Variants in CCDC171 observed in about 807,000 individuals in gnomAD.
CCDC171 encodes the protein coiled-coil domain containing 171.
A neutral mutation model predicts 168.2 loss-of-function variants in CCDC171; 177 were observed. The ratio of observed to expected loss-of-function variants is 1.05; its 90% CI spans 0.93 to 1.19. The LOEUF is 1.19. CCDC171 is among the 50% of genes most tolerant of loss of function. The pLI is 0.00. For synonymous variants in CCDC171, 687 were observed against 540.8 expected (o/e 1.27, Z -3.75); for missense variants, 1,991 against 1,539.0 (o/e 1.29, Z -4.91).
intron 1 of CCDC171, among the ~76,000 whole-genome samples, chr9:15,555,927 T>C (rs991525708): frequency 6.6e-6 from 1 of 152,082 alleles, no homozygotes; most frequent in Non-Finnish European, 1.5e-5. Flanking sequence ...AGTGAGAACA[T>C]GCGGTGTTTG....
At chr9:15,612,061 T>C (rs1235599288) in intron 6 of CCDC171, among the ~76,000 whole-genome samples, 1 of 152,226 alleles carries the variant, frequency 6.6e-6, no homozygotes, top group East Asian at 1.9e-4. Flanking sequence ...AACTAGAAAG[T>C]AGGCTCTTGC....
At chr9:15,687,433 A>T (rs979906331) in intron 10 of CCDC171, among the ~76,000 whole-genome samples, 3 of 152,152 alleles carry the variant, frequency 2.0e-5, no homozygotes, top group Non-Finnish European at 4.4e-5. Flanking sequence ...CTCTTAAAAA[A>T]AAAAAATCCT....
At chr9:15,677,555 A>G (rs1439430068) in intron 9 of CCDC171, among the ~76,000 whole-genome samples, 1 of 151,980 alleles carries the variant, frequency 6.6e-6, no homozygotes, top group African/African-American at 2.4e-5. Flanking sequence ...TTTTAGGAAG[A>G]TCTCAGATTT....
At chr9:15,929,552 C>A (rs1826263947) in intron 25 of CCDC171, among the ~76,000 whole-genome samples, 1 of 151,704 alleles carries the variant, frequency 6.6e-6, no homozygotes, top group African/African-American at 2.4e-5. Flanking sequence ...GTTCCACTTT[C>A]CCTCTACCAC....
downstream of CCDC171, among the ~76,000 whole-genome samples, chr9:15,975,550 C>A (rs184217585): frequency 6.0e-4 from 92 of 152,216 alleles, no homozygotes; most frequent in African/African-American, 2.1e-3. Context: ...GGAAACACCA[C>A]CCTCACTGTG....
At chr9:15,890,750 A>T (rs1459591162) in intron 24 of CCDC171, among the ~76,000 whole-genome samples, 1 of 152,166 alleles carries the variant, frequency 6.6e-6, no homozygotes, top group Non-Finnish European at 1.5e-5. Context: ...ATTATACCTC[A>T]ATAAACCTGT....
At chr9:15,786,178 A>C (rs1301848222) in intron 21 of CCDC171, among the ~76,000 whole-genome samples, 1 of 152,148 alleles carries the variant, frequency 6.6e-6, no homozygotes, top group Non-Finnish European at 1.5e-5. Context: ...AGGAATTTCA[A>C]ATGGCTCAAC....
chr9:15,862,169 T>G (rs1361732910), intron 23 of CCDC171, among the ~76,000 whole-genome samples: 1 of 45,534 alleles, frequency 2.2e-5, no homozygotes, highest in African/African-American at 7.3e-5. Flanking sequence ...AAAATTCTCT[T>G]TTTTTGAATT....
At chr9:15,826,788 T>C in intron 21 of CCDC171, among the ~76,000 whole-genome samples, 1 of 152,228 alleles carries the variant, frequency 6.6e-6, no homozygotes, top group East Asian at 1.9e-4. Context: ...CAGTCCCTGC[T>C]GTGCCATGCT....
At chr9:15,914,794 T>C (rs1364617632) in intron 24 of CCDC171, among the ~76,000 whole-genome samples, 1 of 152,110 alleles carries the variant, frequency 6.6e-6, no homozygotes, top group Non-Finnish European at 1.5e-5. Flanking sequence ...CCCAAGGGAA[T>C]CTCCTGGTCT....
At position 15,874,621 on chromosome 9, in the gene CCDC171, A is replaced by G. The variant is rs781062430; in HGVS notation, c.3558A>G (p.Ala1186=). ...QLPKLHLETF[A]MEGLKGGPEV... is the part of the protein sequence containing the mutation. ...CCAAACTGCACCTGGAGACCTTTGC[A>G]ATGGAGGGGCTCAAGGGCGGGCCAG... The change falls in exon 24 of 26, where the codon GCA becomes GCG. Residue 1186 remains alanine, a synonymous_variant. Coordinates refer to ENST00000380701, the MANE Select transcript of CCDC171 (RefSeq NM_173550.4). 8 of 1,605,970 alleles carry G rather than the reference A, an allele frequency of 5.0e-6. No homozygotes were observed. In the South Asian group the frequency reaches 6.7e-5, roughly 13 times the overall value.
chr9:15,598,505 T>G (rs2042562632), intron 6 of CCDC171, among the ~76,000 whole-genome samples: 4 of 152,178 alleles, frequency 2.6e-5, no homozygotes, highest in Admixed American at 2.0e-4. Context: ...TGCAGTGTGG[T>G]CTGAGAGACA....
At chr9:15,901,819 T>G (rs761699517) in intron 24 of CCDC171, among the ~76,000 whole-genome samples, 2 of 152,182 alleles carry the variant, frequency 1.3e-5, no homozygotes, top group Non-Finnish European at 2.9e-5. Context: ...ACTTTTGTGT[T>G]TCAACATGAA....
chr9:15,580,140 T>G (rs1226748582), intron 4 of CCDC171, among the ~76,000 whole-genome samples: 1 of 152,076 alleles, frequency 6.6e-6, no homozygotes, highest in African/African-American at 2.4e-5. Context: ...TATTCACCAG[T>G]AGTGCTGGGA....
intron 6 of CCDC171, among the ~76,000 whole-genome samples, chr9:15,599,438 G>A (rs10962090): frequency 6.6e-6 from 1 of 152,200 alleles, no homozygotes; most frequent in East Asian, 1.9e-4. Context: ...GAAATTCTGG[G>A]TTGAAAATTC....
chr9:16,025,241 A>G (rs1311165590), intron 6 of CCDC171, among the ~76,000 whole-genome samples: 2 of 152,168 alleles, frequency 1.3e-5, no homozygotes, highest in African/African-American at 4.8e-5. Context: ...CAGGAGTTCA[A>G]AACCAGCCTG....
downstream of CCDC171, among the ~76,000 whole-genome samples, chr9:16,063,668 A>C (rs751313973): frequency 1.3e-5 from 2 of 148,744 alleles, no homozygotes; most frequent in African/African-American, 5.0e-5. Flanking sequence ...GTGGATCTGC[A>C]TGTGCCTTTT....
intron 6 of CCDC171, among the ~76,000 whole-genome samples, chr9:15,610,312 A>T: frequency 6.8e-6 from 1 of 146,264 alleles, no homozygotes; most frequent in Non-Finnish European, 1.5e-5. Flanking sequence ...TGCAGCTTAA[A>T]CCTCCTGGGC....
At chr9:15,633,205 CA>C (rs2045893548) in intron 7 of CCDC171, among the ~76,000 whole-genome samples, 1 of 152,096 alleles carries the variant, frequency 6.6e-6, no homozygotes, top group Admixed American at 6.6e-5. Flanking sequence ...TCCTACACAG[CA>C]AAAGAAACTA....
Sources: gnomAD v4.1 joint callset for allele counts (sites outside exome capture counted in the v4.1 genomes callset) on GRCh38, gnomAD v4.1.1 for gene constraint, MANE v1.5 for transcripts, NCBI Gene and HGNC (gene_info 2026-07-23, HGNC 2026-07-21) for gene names.